Variants in SLC16A10 observed in about 807,000 individuals in gnomAD.
The protein encoded by SLC16A10 is solute carrier family 16 member 10.
SLC16A10 carries 27 observed loss-of-function variants against 40.0 expected under a neutral mutation model. That is an observed-to-expected ratio of 0.67 (90% CI 0.50 to 0.93). The LOEUF (loss-of-function observed/expected upper bound fraction) is 0.93, where lower values mean the gene tolerates loss of function less well. Ranked by LOEUF, SLC16A10 falls within the 40% of genes least tolerant of loss-of-function variation. SLC16A10 has a pLI of 0.00. For missense variants in SLC16A10, 529 were observed against 658.2 expected (o/e 0.80, Z 2.15); for synonymous variants, 213 against 249.8 (o/e 0.85, Z 1.39).
chr6:111,101,009 TATATATATAA>T lies in SLC16A10; in HGVS notation c.343+12921_343+12930del, dbSNP rs1315193719. On this transcript the variant is annotated intron_variant, in intron 1 of 5. Coordinates refer to ENST00000368851, the MANE Select transcript of SLC16A10 (RefSeq NM_018593.5). Reference sequence around the variant, plus strand: ...CTCTCTCTCTATATATATATATATATATATATATAAATATATGTATATATATTTTTTCTTT... The same window carrying T: ...CTCTCTCTCTATATATATATATATATATATATGTATATATATTTTTTCTTT... 2.4e-3 allele frequency among the ~76,000 whole-genome samples: 339 copies of T among 139,042 alleles called. 1 individual carries two copies. The highest frequency in any genetic ancestry group is 8.8e-3 in the African/African-American group (320 of 36,448). The allele number at this position is 139,042 out of a possible 152,430, so 91.2% of individuals were successfully genotyped here.
intron 4 of SLC16A10, among the ~76,000 whole-genome samples, chr6:111,208,543 A>C (rs1480876432): frequency 6.6e-6 from 1 of 151,922 alleles, no homozygotes; most frequent in African/African-American, 2.4e-5. Flanking sequence ...GTGCCACTGC[A>C]CTCCAGCCTG....
intron 1 of SLC16A10, among the ~76,000 whole-genome samples, chr6:111,162,699 A>G (rs546853244): frequency 4.6e-5 from 7 of 152,340 alleles, no homozygotes; most frequent in African/African-American, 1.7e-4. Context: ...AGGCAAAAAG[A>G]AATAAATGTG....
At chr6:111,183,332 C>T (rs914141323) in intron 3 of SLC16A10, among the ~76,000 whole-genome samples, 1 of 152,166 alleles carries the variant, frequency 6.6e-6, no homozygotes, top group Non-Finnish European at 1.5e-5. Context: ...CTAACATTAT[C>T]TATTTTACTT....
intron 1 of SLC16A10, among the ~76,000 whole-genome samples, chr6:111,105,895 T>C (rs1367639014): frequency 6.6e-6 from 1 of 152,184 alleles, no homozygotes; most frequent in Non-Finnish European, 1.5e-5. Flanking sequence ...GAAAGGGAAT[T>C]GATAGTTGTG....
At chr6:111,116,945 TG>T (rs1771497256) in intron 1 of SLC16A10, among the ~76,000 whole-genome samples, 1 of 152,190 alleles carries the variant, frequency 6.6e-6, no homozygotes. Flanking sequence ...ATTTTAAGCC[TG>T]GAATTGCTTT....
chr6:111,100,561 G>T (rs1352366070), intron 1 of SLC16A10, among the ~76,000 whole-genome samples: 4 of 151,932 alleles, frequency 2.6e-5, no homozygotes, highest in Non-Finnish European at 5.9e-5. Flanking sequence ...GCTAATTTTT[G>T]TATTTTTAGT....
At chr6:111,138,606 A>G (rs532017556) in intron 1 of SLC16A10, among the ~76,000 whole-genome samples, 2 of 151,666 alleles carry the variant, frequency 1.3e-5, no homozygotes, top group South Asian at 4.2e-4. Context: ...CAACATGTAT[A>G]TGTACAAACC....
chr6:111,169,731 ATT>A (rs1309563314), intron 1 of SLC16A10, among the ~76,000 whole-genome samples: 1 of 152,110 alleles, frequency 6.6e-6, no homozygotes, highest in Admixed American at 6.6e-5. Context: ...TCAAGGGAAA[ATT>A]TTTCCCCACT....
At chr6:111,210,543 AG>A (rs1773328595) in intron 4 of SLC16A10, among the ~76,000 whole-genome samples, 1 of 152,228 alleles carries the variant, frequency 6.6e-6, no homozygotes, top group South Asian at 2.1e-4. Context: ...CCCAAGCACC[AG>A]CTCAGATGCT....
intron 1 of SLC16A10, among the ~76,000 whole-genome samples, chr6:111,104,052 T>G (rs1037301926): frequency 6.6e-6 from 1 of 152,146 alleles, no homozygotes; most frequent in African/African-American, 2.4e-5. Flanking sequence ...GCTTATTAAG[T>G]GAATGACAAG....
At position 111,110,773 on chromosome 6, in the gene SLC16A10, A is replaced by T. The variant is rs565099596; in HGVS notation, c.343+22678A>T. The stretch of plus-strand genomic sequence containing the variant: ...CTTACCCACCTCCAGCTGTGCTCTG[A>T]TAGGTGAACTATACAATTGATGTAA... On this transcript the variant is annotated intron_variant, in intron 1 of 5. Transcript: ENST00000368851. Among the ~76,000 whole-genome samples, 304 of 152,324 alleles carry T rather than the reference A, an allele frequency of 2.0e-3. 1 individual carries two copies. The highest frequency in any genetic ancestry group is 7.1e-3 in the African/African-American group (296 of 41,572).
At chr6:111,160,648 T>TA (rs1272453449) in intron 1 of SLC16A10, among the ~76,000 whole-genome samples, 12 of 152,218 alleles carry the variant, frequency 7.9e-5, no homozygotes, top group Non-Finnish European at 1.8e-4. Context: ...GTCATGCATC[T>TA]AAAAAGAAGG....
intron 5 of SLC16A10, among the ~76,000 whole-genome samples, chr6:111,219,803 G>T (rs1770856821): frequency 6.6e-6 from 1 of 152,124 alleles, no homozygotes; most frequent in African/African-American, 2.4e-5. Context: ...GACGTGGCTG[G>T]GCATGGTGGC....
intron 1 of SLC16A10, among the ~76,000 whole-genome samples, chr6:111,143,501 A>T (rs949147843): frequency 2.0e-5 from 3 of 151,976 alleles, no homozygotes; most frequent in African/African-American, 7.3e-5. Flanking sequence ...AGCCCAGCTA[A>T]TTTTTTTTAA....
At chr6:111,176,608 T>A (rs544236957) in intron 2 of SLC16A10, among the ~76,000 whole-genome samples, 1 of 152,350 alleles carries the variant, frequency 6.6e-6, no homozygotes, top group East Asian at 1.9e-4. Flanking sequence ...CTGAGAACAG[T>A]GCAGTACAGG....
chr6:111,165,019 A>G (rs191675067), intron 1 of SLC16A10, among the ~76,000 whole-genome samples: 1 of 152,302 alleles, frequency 6.6e-6, no homozygotes, highest in Non-Finnish European at 1.5e-5. Flanking sequence ...GCTCTTTTTT[A>G]TACAAACATC....
chr6:111,118,679 C>CAAA (rs74273023), intron 1 of SLC16A10, among the ~76,000 whole-genome samples: 22 of 66,504 alleles, frequency 3.3e-4, no homozygotes, highest in Middle Eastern at 7.2e-3. Context: ...GCCTCCGTCT[C>CAAA]AAAAAAAAAA....
intron 1 of SLC16A10, among the ~76,000 whole-genome samples, chr6:111,135,471 G>T (rs559664016): frequency 6.6e-6 from 1 of 152,104 alleles, no homozygotes; most frequent in African/African-American, 2.4e-5. Context: ...TTATCAATGA[G>T]GCCATTGTCC....
chr6:111,205,282 C>T lies in SLC16A10; in HGVS notation c.943-1310C>T, dbSNP rs373167292. On this transcript the variant is annotated intron_variant, in intron 3 of 5. Transcript: ENST00000368851. ...AGAGATATCACCCAGAAAGTCTATG[C>T]ACTGCCACATGGGCACTATATGGGT... is the stretch of plus-strand genomic sequence containing the variant. 5.3e-5 allele frequency among the ~76,000 whole-genome samples: 8 copies of T among 152,300 alleles called. No individual in the cohort carries two copies. In the South Asian group the frequency reaches 1.0e-3, roughly 20 times the overall value.
Sources: allele counts gnomAD v4.1 joint callset (sites outside exome capture counted in the v4.1 genomes callset), GRCh38; gene constraint gnomAD v4.1.1; transcripts MANE v1.5; gene names NCBI Gene and HGNC (gene_info 2026-07-23, HGNC 2026-07-21).